Variants in KCNMA1 observed in about 807,000 individuals in gnomAD.
KCNMA1 encodes potassium calcium-activated channel subfamily M alpha 1, also known as Calcium-activated potassium channel subunit alpha-1.
In KCNMA1, 29 loss-of-function variants were observed where a neutral mutation model predicts 140.0. That is an observed-to-expected ratio of 0.21 (90% confidence interval 0.15 to 0.28). The LOEUF is 0.28. KCNMA1 is among the 10% of genes least tolerant of loss of function. KCNMA1 has a pLI of 1.00. For missense variants in KCNMA1, 880 were observed against 1,602.2 expected (o/e 0.55, Z 7.70); for synonymous variants, 612 against 611.9 (o/e 1.00, Z 0.00).
chr10:77,039,274 T>G, intron 15 of KCNMA1: 1 of 567,944 alleles, frequency 1.8e-6, no homozygotes, highest in Non-Finnish European at 3.2e-6. Flanking sequence ...CTGTAGTTCA[T>G]AAGTTAGCAT....
intron 1 of KCNMA1, among the ~76,000 whole-genome samples, chr10:77,472,248 G>GACACAT (rs1261258124): frequency 2.7e-5 from 4 of 147,578 alleles, no homozygotes; most frequent in Admixed American, 2.7e-4. Flanking sequence ...CATAGACACA[G>GACACAT]ACACATACAC....
chr10:77,186,193 T>C (rs945137229), intron 3 of KCNMA1, among the ~76,000 whole-genome samples: 4 of 152,144 alleles, frequency 2.6e-5, no homozygotes, highest in African/African-American at 9.7e-5. Context: ...TCTCCGATCA[T>C]GTTCCATGCA....
intron 15 of KCNMA1, among the ~76,000 whole-genome samples, chr10:77,032,733 C>CTTT (rs570751961): frequency 6.7e-6 from 1 of 148,254 alleles, no homozygotes; most frequent in Non-Finnish European, 1.5e-5. Context: ...GCCCAACCCC[C>CTTT]CTTTTTTTTT....
rs755250448 is a variant in KCNMA1, at chr10:77,636,472, C to T, written c.378+793G>A. 9.1e-6 allele frequency: 14 copies of T among 1,536,092 alleles called. No individual in the cohort carries two copies. The South Asian group carries it at 1.5e-4, about 17-fold the overall frequency. On this transcript the variant is annotated intron_variant, in intron 1 of 27. Transcript: ENST00000286628. ...GGCCTCAGGCGGACTCCCGCTCCAG[C>T]TCCGCGCTGCTGGTGGCATTTCCGG...
chr10:77,194,269 T>C (rs1186452106), intron 3 of KCNMA1, among the ~76,000 whole-genome samples: 2 of 152,286 alleles, frequency 1.3e-5, no homozygotes, highest in Non-Finnish European at 2.9e-5. Flanking sequence ...GGTAGGCTGG[T>C]ACTCCCATAG....
At chr10:77,532,146 G>A (rs929589585) in intron 1 of KCNMA1, among the ~76,000 whole-genome samples, 3 of 152,202 alleles carry the variant, frequency 2.0e-5, no homozygotes, top group African/African-American at 7.2e-5. Flanking sequence ...AGCAGCAACT[G>A]GGGGGAAAAT....
chr10:77,009,325 T>G (rs759038268), intron 18 of KCNMA1, among the ~76,000 whole-genome samples: 2 of 152,194 alleles, frequency 1.3e-5, no homozygotes, highest in Non-Finnish European at 2.9e-5. Flanking sequence ...AGGATGAAGC[T>G]AAAGCCTGCT....
chr10:77,424,059 T>C (rs2096924430), intron 1 of KCNMA1, among the ~76,000 whole-genome samples: 1 of 152,180 alleles, frequency 6.6e-6, no homozygotes, highest in Non-Finnish European at 1.5e-5. Context: ...GCTTTTGGAG[T>C]CAGACAATCC....
intron 5 of KCNMA1, among the ~76,000 whole-genome samples, chr10:77,166,395 G>A (rs2098642613): frequency 6.6e-6 from 1 of 152,106 alleles, no homozygotes; most frequent in Non-Finnish European, 1.5e-5. Flanking sequence ...GCTTTGTGGT[G>A]GATACTGGGC....
At position 77,005,810 on chromosome 10, in the gene KCNMA1, T is replaced by C. The variant is rs112470348; in HGVS notation, c.2093-4230A>G. 6.5e-3 allele frequency among the ~76,000 whole-genome samples: 994 copies of C among 152,284 alleles called. 12 individuals are homozygous for C. Among genetic ancestry groups the C allele is most frequent in the African/African-American group, 0.023 (950 of 41,552 alleles). ...CATAGTACTATTTACAGAGACAAAA[T>C]AGAAGTATTTCCCTAATGGACATCA... On this transcript the variant is annotated intron_variant, in intron 18 of 27. Coordinates refer to ENST00000286628, the MANE Select transcript of KCNMA1 (RefSeq NM_001161352.2).
chr10:77,224,338 G>T (rs2050633910), intron 3 of KCNMA1, among the ~76,000 whole-genome samples: 1 of 152,234 alleles, frequency 6.6e-6, no homozygotes, highest in African/African-American at 2.4e-5. Context: ...TTTAGAAGTG[G>T]AGTTTTGAGG....
At chr10:77,085,631 A>G (rs61866984) in intron 11 of KCNMA1, among the ~76,000 whole-genome samples, 9,070 of 152,222 alleles carry the variant, frequency 0.06, 383 homozygotes, top group Non-Finnish European at 0.091. Context: ...GGGAGGCCAT[A>G]ATATCCTCCG....
intron 6 of KCNMA1, among the ~76,000 whole-genome samples, chr10:77,116,101 G>T (rs2153908300): frequency 6.6e-6 from 1 of 152,328 alleles, no homozygotes; most frequent in Middle Eastern, 3.4e-3. Flanking sequence ...GAAGCTACCA[G>T]CGGTTAGAAT....
intron 19 of KCNMA1, chr10:76,977,773 C>A: frequency 1.6e-6 from 1 of 613,538 alleles, no homozygotes; most frequent in Non-Finnish European, 2.9e-6. Context: ...ATTAGCCCTG[C>A]TGGTCCGCTC....
At chr10:77,251,403 C>A in intron 2 of KCNMA1, 147 bp from the exon 3 acceptor site, 1 of 712,128 alleles carries the variant, frequency 1.4e-6, no homozygotes, top group Non-Finnish European at 2.6e-6. Flanking sequence ...CCCAGCCCCC[C>A]ATTACTGCTT....
At chr10:77,519,450 C>T (rs528767835) in intron 1 of KCNMA1, among the ~76,000 whole-genome samples, 3 of 152,276 alleles carry the variant, frequency 2.0e-5, no homozygotes, top group South Asian at 2.1e-4. Flanking sequence ...TCATAAAAGG[C>T]GTAGGACCCA....
intron 2 of KCNMA1, among the ~76,000 whole-genome samples, chr10:77,268,003 C>CT (rs1415482780): frequency 1.3e-5 from 2 of 152,198 alleles, no homozygotes; most frequent in Non-Finnish European, 2.9e-5. Flanking sequence ...TAAGGAGACT[C>CT]TACTTCCCAG....
rs2096269945 is a variant in KCNMA1, at chr10:77,073,082, A to G, written c.1749+15T>C. On this transcript the variant is annotated intron_variant, in intron 14 of 27. Coordinates refer to ENST00000286628, the MANE Select transcript of KCNMA1 (RefSeq NM_001161352.2). ...GAATCCCGAGCTAATGTGCTCTAATAAGACGAGACGTTACCTTTATGAATG... is the reference window on the plus strand; with the variant it reads ...GAATCCCGAGCTAATGTGCTCTAATGAGACGAGACGTTACCTTTATGAATG... 2 of 1,613,488 alleles carry G rather than the reference A, an allele frequency of 1.2e-6. No individual in the cohort carries two copies. Among genetic ancestry groups the G allele is most frequent in the Non-Finnish European group, 8.5e-7 (1 of 1,179,418 alleles).
chr10:77,039,686 G>A (rs199973732), intron 14 of KCNMA1, 49 bp from the exon 15 acceptor site: 3 of 1,170,810 alleles, frequency 2.6e-6, no homozygotes, highest in Admixed American at 1.7e-5. Context: ...ACGGTGGGCT[G>A]TAAAAGGGAA....
Sources: allele counts gnomAD v4.1 joint callset (sites outside exome capture counted in the v4.1 genomes callset), GRCh38; gene constraint gnomAD v4.1.1; transcripts MANE v1.5; gene names NCBI Gene and HGNC (gene_info 2026-07-23, HGNC 2026-07-21).